Variants in TKT observed in about 807,000 individuals in gnomAD.
TKT encodes epididymis luminal protein 107.
TKT carries 47 observed loss-of-function variants against 63.9 expected under a neutral mutation model. That is an observed-to-expected ratio of 0.74 (90% CI 0.58 to 0.94). The LOEUF (loss-of-function observed/expected upper bound fraction) is 0.94. Ranked by LOEUF, TKT falls within the 40% of genes least tolerant of loss-of-function variation. The probability of loss-of-function intolerance (pLI) is 0.00; values close to 1 mark genes in which losing one functional copy is unlikely to be tolerated. For synonymous variants in TKT, 338 were observed against 334.1 expected, an observed-to-expected ratio of 1.01 and a Z score of -0.13; for missense variants, 721 against 846.2, an observed-to-expected ratio of 0.85 and a Z score of 1.84.
chr3:53,256,006 G>T lies in TKT; in HGVS notation c.-64C>A. On this transcript the variant is annotated 5_prime_UTR_variant, in exon 1 of 14. Coordinates refer to ENST00000462138, the MANE Select transcript of TKT (RefSeq NM_001064.4). ...CAGAGATAGCGGCTGCTCCCGCGGCGACAGGCGGCTGCCGAGGCCGGGCGC... is the reference window on the plus strand; with the variant it reads ...CAGAGATAGCGGCTGCTCCCGCGGCTACAGGCGGCTGCCGAGGCCGGGCGC... The T allele has an allele frequency of 3.4e-6, 4 of 1,193,850 alleles. No homozygotes were observed. Among genetic ancestry groups the T allele is most frequent in the Non-Finnish European group, 4.4e-6 (4 of 901,630 alleles). 74.0% of individuals were successfully genotyped at this position (1,193,850 alleles called of 1,614,324 possible). A position where few individuals can be genotyped will look rare whatever the true frequency, so the allele number is the denominator to read the frequency against.
In TKT at chr3:53,242,003, G is replaced by T; in HGVS notation, c.225+122C>A. ...TGAGGGAGAGGCCAGGACGAGCAGG[G>T]AGAAGGCACCTGGGAGAGGTGGGCC... On this transcript the variant is annotated intron_variant, in intron 2 of 13. Coordinates refer to ENST00000462138, the MANE Select transcript of TKT (RefSeq NM_001064.4). 4 of 883,744 alleles carry T rather than the reference G, an allele frequency of 4.5e-6. No individual in the cohort carries two copies. In the South Asian group the frequency reaches 5.6e-5, roughly 12 times the overall value. The allele number at this position is 883,744 out of a possible 1,614,324, so 54.7% of individuals were successfully genotyped here.
intron 3 of TKT, 108 bp from the exon 4 acceptor site, chr3:53,240,456 A>C: frequency 2.1e-6 from 2 of 962,176 alleles, no homozygotes; most frequent in Non-Finnish European, 1.5e-6. Flanking sequence ...CCTCTGCAGA[A>C]GGTCAGGCCC....
intron 1 of TKT, among the ~76,000 whole-genome samples, chr3:53,242,709 T>A (rs1017004558): frequency 5.9e-5 from 9 of 152,026 alleles, no homozygotes; most frequent in Admixed American, 5.9e-4. Context: ...TGACCCCACA[T>A]CCTGACAGGA....
intron 5 of TKT, chr3:53,233,536 C>G (rs182660247): frequency 2.7e-6 from 1 of 367,368 alleles, no homozygotes; most frequent in East Asian, 4.9e-5. Flanking sequence ...ATCCAGAGCT[C>G]AGTTCCTTTA....
chr3:53,250,953 T>A (rs983894904), intron 1 of TKT, among the ~76,000 whole-genome samples: 1 of 152,076 alleles, frequency 6.6e-6, no homozygotes, highest in South Asian at 2.1e-4. Context: ...CTTTTTTTTG[T>A]AGAGATGAGG....
intron 4 of TKT, chr3:53,235,414 T>G (rs919176252): frequency 2.3e-6 from 1 of 434,808 alleles, no homozygotes; most frequent in Non-Finnish European, 4.1e-6. Context: ...GAAGAAGTAC[T>G]GGTTGTTAAG....
chr3:53,255,902 G>C lies in TKT; in HGVS notation c.41C>G (p.Ala14Gly), dbSNP rs2106743904. The C allele has an allele frequency of 1.9e-6, 3 of 1,548,104 alleles. No homozygotes were observed. The Admixed American group carries it at 5.7e-5, about 30-fold the overall frequency. Residue 14 changes from alanine to glycine, a missense_variant, in exon 1 of 14, where the codon GCC (alanine) becomes GGC (glycine). Coordinates refer to ENST00000462138, the MANE Select transcript of TKT (RefSeq NM_001064.4). ...YHKPDQQKLQ[A>G]LKDTANRLRI... ...TAGGCGGTTGGCCGTGTCCTTCAAG[G>C]CCTGCAGCTTCTGCTGGTCAGGCTT...
At chr3:53,254,279 C>T (rs963121055) in intron 1 of TKT, among the ~76,000 whole-genome samples, 2 of 152,192 alleles carry the variant, frequency 1.3e-5, no homozygotes, top group South Asian at 4.1e-4. Flanking sequence ...GCAGAGCTAC[C>T]GTGTGCCAGG....
rs781854083 is a variant in TKT, at chr3:53,255,819, C to G, written c.107+17G>C. ...GCCCCGCCCGAGCCGCGTCCCCGGC[C>G]GGCGCCGCGCACTCACCCAGAGCCC... is the stretch of plus-strand genomic sequence containing the variant. On this transcript the variant is annotated intron_variant, in intron 1 of 13. Transcript: ENST00000462138. 2 of 1,475,154 alleles carry G rather than the reference C, an allele frequency of 1.4e-6. No individual in the cohort carries two copies. Among genetic ancestry groups the G allele is most frequent in the Admixed American group, 2.3e-5 (1 of 43,870 alleles). The allele number at this position is 1,475,154 out of a possible 1,614,324, so 91.4% of individuals were successfully genotyped here.
Position 53,235,184 on chromosome 3 carries a change from G to C in TKT, c.438-10C>G, listed in dbSNP as rs1276479558. On this transcript the variant is annotated splice_polypyrimidine_tract_variant and intron_variant, in intron 4 of 13. Coordinates refer to ENST00000462138, the MANE Select transcript of TKT (RefSeq NM_001064.4). The stretch of plus-strand genomic sequence containing the variant: ...GCAATAGACTCGGTAGCTGTGGACA[G>C]AGAGTGAATCAGGCCAGTCCCTCTC... 1 of 1,604,032 alleles carries C rather than the reference G, an allele frequency of 6.2e-7. No homozygotes were observed. Among genetic ancestry groups the C allele is most frequent in the Non-Finnish European group, 8.5e-7 (1 of 1,174,302 alleles).
chr3:53,228,048 C>T lies in TKT; in HGVS notation c.1573+8G>A. ...CAGTTGATGACTTTGGAGGCCCCTTCTCCTCACCTTTCTTCAGCAGTTCGG... is the reference window on the plus strand; with the variant it reads ...CAGTTGATGACTTTGGAGGCCCCTTTTCCTCACCTTTCTTCAGCAGTTCGG... On this transcript the variant is annotated splice_region_variant and intron_variant, in intron 12 of 13. Coordinates refer to ENST00000462138, the MANE Select transcript of TKT (RefSeq NM_001064.4). The T allele has an allele frequency of 1.2e-6, 2 of 1,612,066 alleles. No individual in the cohort carries two copies. The highest frequency in any genetic ancestry group is 2.2e-5 in the East Asian group (1 of 44,880).
intron 4 of TKT, among the ~76,000 whole-genome samples, chr3:53,239,802 T>C (rs1182481099): frequency 3.3e-5 from 5 of 152,168 alleles, no homozygotes; most frequent in Non-Finnish European, 5.9e-5. Context: ...CCTCAGAACA[T>C]ACAACCCTCC....
chr3:53,228,214 G>A, intron 11 of TKT, 62 bp downstream of exon 11: 1 of 1,610,798 alleles, frequency 6.2e-7, no homozygotes. Flanking sequence ...CTGACTGCTG[G>A]GAGTCACAGC....
intron 1 of TKT, among the ~76,000 whole-genome samples, chr3:53,251,949 C>A (rs1412375147): frequency 1.3e-5 from 2 of 152,208 alleles, no homozygotes; most frequent in Non-Finnish European, 2.9e-5. Context: ...AGACCAACCT[C>A]AACATGGAGA....
chr3:53,241,413 C>T (rs1248300148), intron 2 of TKT, among the ~76,000 whole-genome samples, 168 bp from the exon 3 acceptor site: 2 of 152,280 alleles, frequency 1.3e-5, no homozygotes, highest in Non-Finnish European at 2.9e-5. Flanking sequence ...CCCTCTTCAG[C>T]CTCTTGGTTT....
intron 4 of TKT, among the ~76,000 whole-genome samples, chr3:53,235,795 C>T (rs1705000057): frequency 6.6e-6 from 1 of 152,220 alleles, no homozygotes; most frequent in East Asian, 1.9e-4. Context: ...CTCTTGACCC[C>T]AAGACTGAAG....
chr3:53,247,095 G>A (rs1227068462), intron 1 of TKT, among the ~76,000 whole-genome samples: 2 of 150,684 alleles, frequency 1.3e-5, no homozygotes, highest in Admixed American at 6.6e-5. Flanking sequence ...GGTGGCTCAC[G>A]CCTATAATCC....
Position 53,226,768 on chromosome 3 carries a change from G to A in TKT, c.1684C>T (p.His562Tyr), listed in dbSNP as rs782361913. ...CAGGCCTCCTTACCTTCATAATAATGGTCCTCCACGGTGAGGATCCTGCCC... is the reference window on the plus strand; with the variant it reads ...CAGGCCTCCTTACCTTCATAATAATAGTCCTCCACGGTGAGGATCCTGCCC... ...TKGRILTVED[H>Y]YYEGGIGEAV... The change falls in exon 13 of 14, where the codon CAT becomes TAT. Residue 562 changes from histidine (H) to tyrosine (Y), a missense_variant. By Grantham distance (83) the His-to-Tyr change is moderately conservative. Transcript: ENST00000462138. 1 of 1,614,030 alleles carries A rather than the reference G, an allele frequency of 6.2e-7. No individual in the cohort carries two copies. Among genetic ancestry groups the A allele is most frequent in the Non-Finnish European group, 8.5e-7 (1 of 1,180,034 alleles).
At chr3:53,244,250 C>G (rs1204697961) in intron 1 of TKT, among the ~76,000 whole-genome samples, 1 of 152,202 alleles carries the variant, frequency 6.6e-6, no homozygotes, top group Admixed American at 6.5e-5. Flanking sequence ...CGCTTAGGAG[C>G]CAGGTGTCCC....
Sources: allele counts gnomAD v4.1 joint callset (sites outside exome capture counted in the v4.1 genomes callset), GRCh38; gene constraint gnomAD v4.1.1; transcripts MANE v1.5; gene names NCBI Gene and HGNC (gene_info 2026-07-23, HGNC 2026-07-21).